The following SLC4A4 variants were observed in gnomAD, a reference collection of about 807,000 sequenced individuals.
SLC4A4 encodes the protein electrogenic sodium bicarbonate cotransporter 1.
In SLC4A4, 27 loss-of-function variants were observed where a neutral mutation model predicts 111.5. The ratio of observed to expected loss-of-function variants is 0.24; its 90% CI spans 0.18 to 0.33. The LOEUF (loss-of-function observed/expected upper bound fraction) is 0.33, where lower values mean the gene tolerates loss of function less well. Ranked by LOEUF, SLC4A4 falls within the 10% of genes least tolerant of loss-of-function variation. The pLI is 1.00. For synonymous variants in SLC4A4, 443 were observed against 463.4 expected (o/e 0.96, Z 0.57); for missense variants, 909 against 1,315.5 (o/e 0.69, Z 4.78).
At chr4:71,106,389 G>A (rs565187208) in intron 2 of SLC4A4, among the ~76,000 whole-genome samples, 2,419 of 150,642 alleles carry the variant, frequency 0.016, 71 homozygotes, top group African/African-American at 0.056. Flanking sequence ...TCTAGAACTA[G>A]AAATACCATT....
chr4:71,201,354 G>T (rs895688247), intron 1 of SLC4A4, among the ~76,000 whole-genome samples: 2 of 152,180 alleles, frequency 1.3e-5, no homozygotes, highest in South Asian at 4.1e-4. Context: ...CTGGAGAGGG[G>T]TGTGACCTTG....
At chr4:71,344,369 T>C (rs1414538673) in intron 4 of SLC4A4, among the ~76,000 whole-genome samples, 1 of 152,170 alleles carries the variant, frequency 6.6e-6, no homozygotes, top group Non-Finnish European at 1.5e-5. Context: ...GCTGTCAGAA[T>C]GTTTTTGCAG....
rs188328200 is a variant in SLC4A4, at chr4:71,292,364, T to C, written c.253+36965T>C. On this transcript the variant is annotated intron_variant, in intron 3 of 25. Coordinates refer to ENST00000264485, the MANE Select transcript of SLC4A4 (RefSeq NM_001098484.3). ...TAGTTTCCCAGTTATAGCAAAACTG[T>C]ACTTAGCCCCTCCTTAGTTCTAGGA... Among the ~76,000 whole-genome samples, 424 of 152,290 alleles carry C rather than the reference T, an allele frequency of 2.8e-3. 3 individuals carry two copies. Among genetic ancestry groups the C allele is most frequent in the African/African-American group, 9.5e-3 (396 of 41,562 alleles).
chr4:71,156,752 T>G (rs1744490795), intron 2 of SLC4A4, among the ~76,000 whole-genome samples: 1 of 152,190 alleles, frequency 6.6e-6, no homozygotes, highest in South Asian at 2.1e-4. Flanking sequence ...AAGCCATCTT[T>G]GCTACCACTA....
intron 1 of SLC4A4, among the ~76,000 whole-genome samples, chr4:71,193,378 C>T (rs1369746450): frequency 6.6e-6 from 1 of 152,170 alleles, no homozygotes; most frequent in Non-Finnish European, 1.5e-5. Context: ...CCAGGATGGT[C>T]TCGATCTCCT....
intron 2 of SLC4A4, among the ~76,000 whole-genome samples, chr4:71,246,800 T>C (rs185606101): frequency 2.9e-4 from 44 of 152,166 alleles, no homozygotes; most frequent in African/African-American, 7.5e-4. Context: ...GGTACCATGA[T>C]AGTGGAAAAA....
At chr4:71,523,992 TC>T (rs1272565250) in intron 16 of SLC4A4, among the ~76,000 whole-genome samples, 11 of 152,084 alleles carry the variant, frequency 7.2e-5, no homozygotes, top group African/African-American at 2.7e-4. Context: ...GAACCTAGCA[TC>T]CTGCAGGCAT....
chr4:71,484,230 T>A (rs1729158597), intron 14 of SLC4A4, among the ~76,000 whole-genome samples: 1 of 151,688 alleles, frequency 6.6e-6, no homozygotes, highest in African/African-American at 2.4e-5. Flanking sequence ...TTGGCATCTT[T>A]GTCATGAAAT....
chr4:71,421,852 T>C (rs558849619), intron 7 of SLC4A4, among the ~76,000 whole-genome samples: 19 of 151,946 alleles, frequency 1.3e-4, no homozygotes, highest in South Asian at 1.2e-3. Context: ...TAGAGGGAAA[T>C]TTATAGCACT....
At chr4:71,459,423 A>T (rs1488623079) in intron 12 of SLC4A4, among the ~76,000 whole-genome samples, 1 of 152,072 alleles carries the variant, frequency 6.6e-6, no homozygotes, top group African/African-American at 2.4e-5. Flanking sequence ...ACTTTCCCAT[A>T]CATCTTAAAA....
rs1243691886 is a variant in SLC4A4, at chr4:71,568,509, C to CT, written c.*765dup. On this transcript the variant is annotated 3_prime_UTR_variant, in exon 26 of 26. Coordinates refer to ENST00000264485, the MANE Select transcript of SLC4A4 (RefSeq NM_001098484.3). Reference sequence around the variant, plus strand: ...GGAATGTCCCTTTTTTCCTATGCAACTTTTTTTAACCCTTTAATGAACTTA... The same window carrying CT: ...GGAATGTCCCTTTTTTCCTATGCAACTTTTTTTTAACCCTTTAATGAACTTA... 6.6e-6 allele frequency: 1 copy of CT among 152,142 alleles called. No individual in the cohort carries two copies. Among genetic ancestry groups the CT allele is most frequent in the African/African-American group, 2.4e-5 (1 of 41,368 alleles). The allele number at this position is 152,142 out of a possible 1,614,324, so 9.4% of individuals were successfully genotyped here.
At chr4:71,376,524 G>A (rs1465896679) in intron 6 of SLC4A4, among the ~76,000 whole-genome samples, 1 of 149,818 alleles carries the variant, frequency 6.7e-6, no homozygotes, top group African/African-American at 2.4e-5. Flanking sequence ...ATTTTAACAG[G>A]TTGAACACAG....
At chr4:71,127,857 C>G (rs996713814) in intron 2 of SLC4A4, among the ~76,000 whole-genome samples, 3 of 152,098 alleles carry the variant, frequency 2.0e-5, no homozygotes, top group African/African-American at 7.2e-5. Flanking sequence ...GGCACGGTGG[C>G]TCACACCTGT....
At chr4:71,384,680 C>A (rs1037502457) in intron 6 of SLC4A4, among the ~76,000 whole-genome samples, 11 of 151,250 alleles carry the variant, frequency 7.3e-5, no homozygotes, top group Non-Finnish European at 1.5e-4. Flanking sequence ...ATTTGTACAC[C>A]TTTTTCCTTC....
At chr4:71,200,940 A>G (rs557782115) in intron 1 of SLC4A4, among the ~76,000 whole-genome samples, 21 of 152,312 alleles carry the variant, frequency 1.4e-4, no homozygotes, top group African/African-American at 4.8e-4. Flanking sequence ...TCTTGGCTCA[A>G]TAGGCTGTTG....
At chr4:71,361,292 A>G (rs1312504541) in intron 6 of SLC4A4, among the ~76,000 whole-genome samples, 1 of 152,206 alleles carries the variant, frequency 6.6e-6, no homozygotes, top group Non-Finnish European at 1.5e-5. Context: ...TACTGTCTTT[A>G]TTCCTAAAGA....
intron 6 of SLC4A4, among the ~76,000 whole-genome samples, chr4:71,367,465 C>G (rs1731437098): frequency 6.6e-6 from 1 of 152,130 alleles, no homozygotes; most frequent in Admixed American, 6.5e-5. Flanking sequence ...GTTGTTTAGC[C>G]TAATTCATTT....
intron 12 of SLC4A4, among the ~76,000 whole-genome samples, chr4:71,464,464 C>T (rs1253968888): frequency 1.3e-5 from 2 of 152,150 alleles, no homozygotes; most frequent in Non-Finnish European, 2.9e-5. Flanking sequence ...GCAAGATAGT[C>T]TCTCTACGGA....
Position 71,546,532 on chromosome 4 carries a change from T to C in SLC4A4, c.2621+4T>C. 1 of 1,611,606 alleles carries C rather than the reference T, an allele frequency of 6.2e-7. No homozygotes were observed. The highest frequency in any genetic ancestry group is 8.5e-7 in the Non-Finnish European group (1 of 1,178,540). ...AACCAAAGTTTCTAGGAGTGAGGTG[T>C]GTTAACTCAGAGGAAAATGGCTCCC... is the stretch of plus-strand genomic sequence containing the variant. On this transcript the variant is annotated splice_donor_region_variant and intron_variant, in intron 19 of 25. Coordinates refer to ENST00000264485, the MANE Select transcript of SLC4A4 (RefSeq NM_001098484.3).
Sources: allele counts gnomAD v4.1 joint callset (sites outside exome capture counted in the v4.1 genomes callset), GRCh38; gene constraint gnomAD v4.1.1; transcripts MANE v1.5; gene names NCBI Gene and HGNC (gene_info 2026-07-23, HGNC 2026-07-21).